SCARB1: variants seen among roughly 807,000 people sequenced by gnomAD.
SCARB1 encodes the protein CD36 and LIMPII analogous 1.
In SCARB1, 30 loss-of-function variants were observed where a neutral mutation model predicts 57.2. The observed-to-expected ratio is 0.52, with a 90% CI of 0.39 to 0.71. The LOEUF (loss-of-function observed/expected upper bound fraction) is 0.71. Ranked by LOEUF, SCARB1 falls within the 30% of genes least tolerant of loss-of-function variation. The pLI, the probability that SCARB1 is intolerant of heterozygous loss-of-function variation, is 0.00. For missense variants in SCARB1, 543 were observed against 671.2 expected (o/e 0.81, Z 2.11); for synonymous variants, 249 against 268.3 (o/e 0.93, Z 0.70).
chr12:124,790,407 G>A (rs1018186765), intron 9 of SCARB1, among the ~76,000 whole-genome samples: 17 of 150,044 alleles, frequency 1.1e-4, no homozygotes, highest in African/African-American at 3.7e-4. Flanking sequence ...AACAAAACAG[G>A]GAGGGCTAGG....
chr12:124,798,355 G>A (rs536085753), intron 8 of SCARB1, among the ~76,000 whole-genome samples: 1 of 152,124 alleles, frequency 6.6e-6, no homozygotes, highest in African/African-American at 2.4e-5. Flanking sequence ...AGGTTGCAGG[G>A]AGCCACGATC....
At chr12:124,778,641 C>T (rs1566120714) in intron 12 of SCARB1, 55 bp from the exon 13 acceptor site, 6 of 1,385,388 alleles carry the variant, frequency 4.3e-6, no homozygotes, top group Non-Finnish European at 5.6e-6. Flanking sequence ...CAAACCCCAC[C>T]CTCATCCCCG....
intron 1 of SCARB1, among the ~76,000 whole-genome samples, chr12:124,826,066 C>T (rs1378211524): frequency 6.6e-6 from 1 of 151,924 alleles, no homozygotes; most frequent in Non-Finnish European, 1.5e-5. Flanking sequence ...GTGGCCGGGA[C>T]TCATGCCTGT....
chr12:124,835,439 T>C (rs1271993464), intron 1 of SCARB1, among the ~76,000 whole-genome samples: 1 of 151,558 alleles, frequency 6.6e-6, no homozygotes, highest in Non-Finnish European at 1.5e-5. Flanking sequence ...TTTTCATTTT[T>C]TGTAGATTTT....
intron 1 of SCARB1, among the ~76,000 whole-genome samples, chr12:124,859,518 G>C (rs7487105): frequency 0.036 from 4,964 of 138,458 alleles, 599 homozygotes; most frequent in East Asian, 0.31. Context: ...GCGACAGAGC[G>C]AGACTCCATC....
At position 124,808,068 on chromosome 12, in the gene SCARB1, C is replaced by G. The variant is rs189722450; in HGVS notation, c.843-141G>C. The G allele has an allele frequency of 7.8e-5, 61 of 782,886 alleles. No individual in the cohort carries two copies. In the East Asian group the frequency reaches 1.6e-3, roughly 21 times the overall value. 48.5% of individuals were successfully genotyped at this position (782,886 alleles called of 1,614,324 possible). ...GTCCAAACCGCCCCCATCTCTCACC[C>G]GCGGAGCTGCAGCGACCTCCTAACA... On this transcript the variant is annotated intron_variant, in intron 6 of 12. Transcript: ENST00000261693.
At chr12:124,821,254 ACACACG>A (rs1950945538) in intron 1 of SCARB1, 4 of 316,940 alleles carry the variant, frequency 1.3e-5, no homozygotes, top group Non-Finnish European at 1.8e-5. Context: ...ACACACACAC[ACACACG>A]CACACACACG....
At chr12:124,799,680 A>G (rs924103538) in intron 8 of SCARB1, among the ~76,000 whole-genome samples, 1 of 152,058 alleles carries the variant, frequency 6.6e-6, no homozygotes, top group African/African-American at 2.4e-5. Flanking sequence ...AGAAGAGGCC[A>G]CAAGCTGAAG....
intron 1 of SCARB1, among the ~76,000 whole-genome samples, chr12:124,830,153 C>T (rs1951329287): frequency 1.3e-5 from 2 of 152,216 alleles, no homozygotes; most frequent in South Asian, 4.1e-4. Context: ...AGTGAGATCC[C>T]ATGCCATACA....
chr12:124,827,900 G>A (rs1353487015), intron 1 of SCARB1, among the ~76,000 whole-genome samples: 3 of 152,096 alleles, frequency 2.0e-5, no homozygotes, highest in African/African-American at 7.2e-5. Flanking sequence ...TCACCTGCCT[G>A]GCCATAAACC....
chr12:124,779,968 G>A (rs1190428442), intron 12 of SCARB1, among the ~76,000 whole-genome samples: 3 of 152,188 alleles, frequency 2.0e-5, no homozygotes, highest in Non-Finnish European at 2.9e-5. Context: ...TGGGCCCAAA[G>A]AGCCGTGACT....
chr12:124,825,340 G>T (rs1280147264), intron 1 of SCARB1, among the ~76,000 whole-genome samples: 1 of 151,214 alleles, frequency 6.6e-6, no homozygotes, highest in Non-Finnish European at 1.5e-5. Context: ...TCTCCTAAGT[G>T]TGCAAGAAAG....
intron 7 of SCARB1, among the ~76,000 whole-genome samples, chr12:124,801,157 C>T (rs1482416552): frequency 6.6e-6 from 1 of 152,186 alleles, no homozygotes; most frequent in East Asian, 1.9e-4. Flanking sequence ...CGTGACCGTG[C>T]CACTGCACTC....
chr12:124,805,407 C>T (rs1276212723), intron 7 of SCARB1, among the ~76,000 whole-genome samples: 6 of 152,062 alleles, frequency 3.9e-5, no homozygotes, highest in Admixed American at 1.3e-4. Context: ...GAACAGGGGA[C>T]GTGTAGGGAG....
intron 1 of SCARB1, among the ~76,000 whole-genome samples, chr12:124,831,057 C>T (rs1011201051): frequency 6.6e-6 from 1 of 151,634 alleles, no homozygotes; most frequent in Non-Finnish European, 1.5e-5. Context: ...CTCACTGCAA[C>T]CTCTGCCTCC....
intron 9 of SCARB1, among the ~76,000 whole-genome samples, chr12:124,790,711 CA>C (rs1403300773): frequency 6.6e-6 from 1 of 152,218 alleles, no homozygotes; most frequent in African/African-American, 2.4e-5. Context: ...CAGACCCCCC[CA>C]CAACAGGTGT....
intron 1 of SCARB1, among the ~76,000 whole-genome samples, chr12:124,825,051 T>C (rs995487676): frequency 6.6e-6 from 1 of 151,370 alleles, no homozygotes; most frequent in African/African-American, 2.4e-5. Flanking sequence ...AGTGAAACCC[T>C]GTCTCTACTA....
intron 4 of SCARB1, among the ~76,000 whole-genome samples, chr12:124,813,219 CTAAGAGGGAGGAA>C (rs1950584875): frequency 6.6e-6 from 1 of 152,176 alleles, no homozygotes; most frequent in Admixed American, 6.5e-5. Flanking sequence ...TTCTTCCTCC[CTAAGAGGGAGGAA>C]ACTGGAACAC....
intron 9 of SCARB1, among the ~76,000 whole-genome samples, chr12:124,790,867 A>G (rs1949702031): frequency 6.6e-6 from 1 of 152,212 alleles, no homozygotes; most frequent in Non-Finnish European, 1.5e-5. Flanking sequence ...GCTGCTGGCA[A>G]TGCTGGCCCG....
Sources: allele counts gnomAD v4.1 joint callset (sites outside exome capture counted in the v4.1 genomes callset), GRCh38; gene constraint gnomAD v4.1.1; transcripts MANE v1.5; gene names NCBI Gene and HGNC (gene_info 2026-07-23, HGNC 2026-07-21).